The following LHFPL3 variants were observed in gnomAD, a reference collection of about 807,000 sequenced individuals.
The protein encoded by LHFPL3 is LHFPL tetraspan subfamily member 3.
LHFPL3 carries 5 observed loss-of-function variants against 19.3 expected under a neutral mutation model. That is an observed-to-expected ratio of 0.26 (90% CI 0.14 to 0.54). The LOEUF is 0.54. LHFPL3 is among the 20% of genes least tolerant of loss of function. The probability of loss-of-function intolerance (pLI) is 0.94; values close to 1 mark genes in which losing one functional copy is unlikely to be tolerated. For missense variants in LHFPL3, 249 were observed against 307.4 expected, an observed-to-expected ratio of 0.81 and a Z score of 1.42; for synonymous variants, 133 against 126.2, an observed-to-expected ratio of 1.05 and a Z score of -0.36.
At chr7:104,632,055 T>C (rs1791654113) in intron 1 of LHFPL3, among the ~76,000 whole-genome samples, 1 of 152,194 alleles carries the variant, frequency 6.6e-6, no homozygotes, top group Admixed American at 6.5e-5. Flanking sequence ...TGGGCTTCCT[T>C]CTTTCTCCAG....
intron 2 of LHFPL3, among the ~76,000 whole-genome samples, chr7:104,835,380 C>G (rs1049273826): frequency 1.3e-5 from 2 of 151,882 alleles, no homozygotes; most frequent in Non-Finnish European, 2.9e-5. Flanking sequence ...AGGTAATGTC[C>G]AGAGCCTAGG....
At chr7:104,783,052 T>G (rs1006715308) in intron 2 of LHFPL3, among the ~76,000 whole-genome samples, 3 of 152,250 alleles carry the variant, frequency 2.0e-5, no homozygotes, top group African/African-American at 7.2e-5. Context: ...AGAACAGGCA[T>G]CAGCATCAAC....
chr7:104,550,902 A>G (rs1269999533), intron 1 of LHFPL3, among the ~76,000 whole-genome samples: 3 of 152,164 alleles, frequency 2.0e-5, no homozygotes, highest in Non-Finnish European at 1.5e-5. Context: ...ACACTTCATA[A>G]AGAATGAAAT....
intron 1 of LHFPL3, among the ~76,000 whole-genome samples, chr7:104,348,990 C>T (rs113293830): frequency 1.3e-5 from 2 of 152,038 alleles, no homozygotes; most frequent in Non-Finnish European, 2.9e-5. Flanking sequence ...CCTTTTTTCT[C>T]CTTTGACTCC....
At chr7:104,433,507 G>A (rs1258891283) in intron 1 of LHFPL3, among the ~76,000 whole-genome samples, 1 of 152,102 alleles carries the variant, frequency 6.6e-6, no homozygotes, top group Non-Finnish European at 1.5e-5. Context: ...CTCCAGCAAG[G>A]TATACAAGGC....
At chr7:104,550,045 G>A (rs984752217) in intron 1 of LHFPL3, among the ~76,000 whole-genome samples, 4 of 152,062 alleles carry the variant, frequency 2.6e-5, no homozygotes, top group African/African-American at 7.2e-5. Flanking sequence ...TCTGCAGGAC[G>A]AGCCAGCAGA....
intron 1 of LHFPL3, among the ~76,000 whole-genome samples, chr7:104,348,152 C>T (rs769338982): frequency 3.3e-5 from 5 of 152,148 alleles, no homozygotes; most frequent in African/African-American, 7.2e-5. Context: ...TTTGGAAGAC[C>T]GAGGCGTGTG....
intron 2 of LHFPL3, among the ~76,000 whole-genome samples, chr7:104,781,620 A>G (rs1193192158): frequency 6.6e-6 from 1 of 152,078 alleles, no homozygotes; most frequent in Non-Finnish European, 1.5e-5. Flanking sequence ...CTTCATCATG[A>G]AGCTCCTTGA....
chr7:104,608,598 TAACA>T (rs1414292322), intron 1 of LHFPL3, among the ~76,000 whole-genome samples: 3 of 151,832 alleles, frequency 2.0e-5, no homozygotes, highest in Admixed American at 6.6e-5. Flanking sequence ...TATACATATG[TAACA>T]AACCTGCACA....
At chr7:104,429,686 C>T (rs1320664229) in intron 1 of LHFPL3, among the ~76,000 whole-genome samples, 2 of 152,108 alleles carry the variant, frequency 1.3e-5, no homozygotes, top group South Asian at 4.1e-4. Context: ...TATAGCAGTG[C>T]AACTCAGGCA....
At chr7:104,634,353 T>C (rs1213067098) in intron 1 of LHFPL3, among the ~76,000 whole-genome samples, 1 of 152,150 alleles carries the variant, frequency 6.6e-6, no homozygotes, top group Non-Finnish European at 1.5e-5. Flanking sequence ...CCCCTTCTCA[T>C]TGTGTCCTCA....
chr7:104,884,143 A>G (rs151232881), intron 2 of LHFPL3, among the ~76,000 whole-genome samples: 46 of 152,290 alleles, frequency 3.0e-4, no homozygotes, highest in African/African-American at 1.0e-3. Context: ...CTGATGCGTG[A>G]TAAGTGCCCA....
At chr7:104,824,467 T>G (rs1403269649) in intron 2 of LHFPL3, among the ~76,000 whole-genome samples, 17 of 44,650 alleles carry the variant, frequency 3.8e-4, no homozygotes, top group South Asian at 7.1e-4. Context: ...TAATTTTATA[T>G]ATAATATATA....
chr7:104,820,981 G>A (rs915611426), intron 2 of LHFPL3, among the ~76,000 whole-genome samples: 1 of 152,006 alleles, frequency 6.6e-6, no homozygotes, highest in East Asian at 1.9e-4. Flanking sequence ...CTTGGACTGC[G>A]TTTCCCCTCC....
chr7:104,875,483 G>T (rs1791921007), intron 2 of LHFPL3, among the ~76,000 whole-genome samples: 1 of 152,128 alleles, frequency 6.6e-6, no homozygotes, highest in African/African-American at 2.4e-5. Flanking sequence ...GCCCATCTGG[G>T]TGAATTACTC....
chr7:104,766,407 T>C (rs772760189), intron 2 of LHFPL3, among the ~76,000 whole-genome samples: 1 of 152,210 alleles, frequency 6.6e-6, no homozygotes, highest in Non-Finnish European at 1.5e-5. Flanking sequence ...TCACTTGGAT[T>C]GTTTCTCATC....
chr7:104,699,274 A>C (rs1446988601), intron 1 of LHFPL3, among the ~76,000 whole-genome samples: 1 of 152,220 alleles, frequency 6.6e-6, no homozygotes, highest in Non-Finnish European at 1.5e-5. Flanking sequence ...GGTGGAATTA[A>C]CTGAAGCATC....
At chr7:104,567,842 G>A (rs903167616) in intron 1 of LHFPL3, among the ~76,000 whole-genome samples, 7 of 152,074 alleles carry the variant, frequency 4.6e-5, no homozygotes, top group African/African-American at 7.2e-5. Flanking sequence ...TGGTCATGCC[G>A]CCTGCATTGA....
chr7:104,888,261 G>A lies in LHFPL3; in HGVS notation c.683-17926G>A, dbSNP rs540074367. ...ATGTATCATAGAGGCCAGGCATGGT[G>A]GCTCACACTTGTAATCCCAGTGCTT... On this transcript the variant is annotated intron_variant, in intron 2 of 2. Transcript: ENST00000424859. 2.4e-4 allele frequency among the ~76,000 whole-genome samples: 37 copies of A among 152,336 alleles called. 1 individual carries two copies. The South Asian group carries it at 7.3e-3, about 30-fold the overall frequency.
Sources: gnomAD v4.1 joint callset for allele counts (sites outside exome capture counted in the v4.1 genomes callset) on GRCh38, gnomAD v4.1.1 for gene constraint, MANE v1.5 for transcripts, NCBI Gene and HGNC (gene_info 2026-07-23, HGNC 2026-07-21) for gene names.